NGEF: variants seen among roughly 807,000 people sequenced by gnomAD.
NGEF encodes the protein neuronal guanine nucleotide exchange factor.
Under a neutral mutation model 80.9 loss-of-function variants are expected in NGEF, and 31 were observed. The ratio of observed to expected loss-of-function variants is 0.38; its 90% CI spans 0.29 to 0.52. NGEF has a LOEUF of 0.52. Ranked by LOEUF, NGEF falls within the 20% of genes least tolerant of loss-of-function variation. The pLI is 0.84. For synonymous variants in NGEF, 371 were observed against 370.2 expected (o/e 1.00, Z -0.03); for missense variants, 709 against 926.2 (o/e 0.77, Z 3.04).
At chr2:232,984,217 G>T (rs946219321) in intron 1 of NGEF, among the ~76,000 whole-genome samples, 1 of 151,604 alleles carries the variant, frequency 6.6e-6, no homozygotes. Flanking sequence ...CCCCAGTAGC[G>T]AGGACTACAG....
rs141204936 is a variant in NGEF, at chr2:232,899,449, G to A, written c.829-4533C>T. ...AAGATTCAACTCCGGTCCAGCCTGG[G>A]CTTTCTTCAGGCTCCTCTTTTGTGA... On this transcript the variant is annotated intron_variant, in intron 5 of 14. Coordinates refer to ENST00000264051, the MANE Select transcript of NGEF (RefSeq NM_019850.3). Among the ~76,000 whole-genome samples, 355 of 152,278 alleles carry A rather than the reference G, an allele frequency of 2.3e-3. 6 individuals are homozygous for A. The highest frequency in any genetic ancestry group is 1.6e-3 in the Non-Finnish European group (111 of 68,022).
intron 5 of NGEF, among the ~76,000 whole-genome samples, chr2:232,911,571 T>C (rs1250788160): frequency 6.6e-6 from 1 of 152,224 alleles, no homozygotes; most frequent in African/African-American, 2.4e-5. Context: ...TGGAGTCGCA[T>C]GGAATGTATA....
intron 3 of NGEF, among the ~76,000 whole-genome samples, chr2:232,953,009 G>T (rs1451727149): frequency 9.3e-6 from 1 of 107,670 alleles, no homozygotes; most frequent in Non-Finnish European, 1.9e-5. Context: ...CAACAAAAAA[G>T]CAAAGTGATT....
intron 1 of NGEF, among the ~76,000 whole-genome samples, chr2:233,007,057 A>G (rs1339948021): frequency 6.6e-6 from 1 of 152,186 alleles, no homozygotes; most frequent in Non-Finnish European, 1.5e-5. Flanking sequence ...CAGCCTGGTC[A>G]ACATGGAGAA....
At chr2:233,012,319 A>T (rs950637722) in intron 1 of NGEF, among the ~76,000 whole-genome samples, 1 of 152,288 alleles carries the variant, frequency 6.6e-6, no homozygotes, top group Non-Finnish European at 1.5e-5. Flanking sequence ...AGACAATAAG[A>T]ACCTACCACT....
intron 5 of NGEF, 21 bp from the exon 6 acceptor site, chr2:232,894,937 G>A (rs922098097): frequency 1.9e-6 from 3 of 1,549,274 alleles, no homozygotes; most frequent in African/African-American, 1.3e-5. Context: ...GAGACCCCAT[G>A]GTTACCGCCT....
At position 232,905,276 on chromosome 2, in the gene NGEF, A is replaced by AT. The variant is rs535483022; in HGVS notation, c.829-10361dup. 5.7e-3 allele frequency among the ~76,000 whole-genome samples: 871 copies of AT among 152,116 alleles called. 9 individuals carry two copies. The highest frequency in any genetic ancestry group is 0.02 in the African/African-American group (831 of 41,502). On this transcript the variant is annotated intron_variant, in intron 5 of 14. Coordinates refer to ENST00000264051, the MANE Select transcript of NGEF (RefSeq NM_019850.3). ...GCCGCCACGCCTGACTGGTTTTCGT[A>AT]TTTTTTTGGTGGAAACGGGGTTTCG...
chr2:232,916,182 T>C (rs1692799009), intron 5 of NGEF, among the ~76,000 whole-genome samples: 1 of 152,254 alleles, frequency 6.6e-6, no homozygotes, highest in Non-Finnish European at 1.5e-5. Context: ...GAAGATGCCA[T>C]GGACCAAGTG....
At chr2:232,882,053 G>A (rs889411975) in intron 13 of NGEF, 133 bp downstream of exon 13, 6 of 732,002 alleles carry the variant, frequency 8.2e-6, no homozygotes, top group Admixed American at 2.4e-5. Context: ...GCAGCCCCTG[G>A]AGGCCCGTGC....
At position 233,010,077 on chromosome 2, in the gene NGEF, G is replaced by C. The variant is rs112938944; in HGVS notation, c.-75+2991C>G. Among the ~76,000 whole-genome samples, 672 of 152,234 alleles carry C rather than the reference G, an allele frequency of 4.4e-3. 7 individuals carry two copies. Among genetic ancestry groups the C allele is most frequent in the African/African-American group, 0.015 (643 of 41,522 alleles). On this transcript the variant is annotated intron_variant, in intron 1 of 14. Coordinates refer to ENST00000264051, the MANE Select transcript of NGEF (RefSeq NM_019850.3). ...CATGCCAATTTTTGTATTTTTAGTA[G>C]AGATGGGGTTTCACTATGTTGACCA...
intron 13 of NGEF, 39 bp from the exon 14 acceptor site, chr2:232,881,289 A>T: frequency 6.6e-7 from 1 of 1,513,722 alleles, no homozygotes; most frequent in Non-Finnish European, 9.1e-7. Flanking sequence ...CCACCACCGC[A>T]CTACCCACCT....
chr2:232,928,586 G>A (rs1417708603), intron 3 of NGEF, among the ~76,000 whole-genome samples: 4 of 152,150 alleles, frequency 2.6e-5, no homozygotes, highest in African/African-American at 9.6e-5. Flanking sequence ...ATGTGTCCCC[G>A]CTGGAGGGGG....
rs536950041 is a variant in NGEF, at chr2:232,968,340, G to A, written c.383+1874C>T. Among the ~76,000 whole-genome samples, 235 of 151,680 alleles carry A rather than the reference G, an allele frequency of 1.5e-3. 2 individuals carry two copies. The highest frequency in any genetic ancestry group is 0.01 in the Middle Eastern group (3 of 290). ...TAACCTCAGGTGATCTGCCCACCTC[G>A]GCTTCCCAAAGTGCCGGGATTACAG... is the stretch of plus-strand genomic sequence containing the variant. On this transcript the variant is annotated intron_variant, in intron 3 of 14. Transcript: ENST00000264051.
At chr2:232,939,858 G>A (rs1197236581) in intron 3 of NGEF, among the ~76,000 whole-genome samples, 2 of 152,196 alleles carry the variant, frequency 1.3e-5, no homozygotes, top group Admixed American at 6.5e-5. Flanking sequence ...TTAGCTGGGC[G>A]TGGTGCTGCA....
intron 1 of NGEF, chr2:233,012,705 T>G: frequency 2.6e-6 from 1 of 382,382 alleles, no homozygotes; most frequent in South Asian, 2.0e-5. Flanking sequence ...GTTGTCCTTT[T>G]GAAAGCCTTA....
chr2:233,012,974 TCTC>T, intron 1 of NGEF, 91 bp downstream of exon 1: 1 of 464,464 alleles, frequency 2.2e-6, no homozygotes, highest in Non-Finnish European at 4.5e-6. Context: ...TGGGTGGTAA[TCTC>T]CTTTCCTACC....
intron 3 of NGEF, among the ~76,000 whole-genome samples, chr2:232,959,243 C>T (rs1454425076): frequency 6.6e-6 from 1 of 151,982 alleles, no homozygotes; most frequent in African/African-American, 2.4e-5. Flanking sequence ...ACTGTGCCTG[C>T]ATGGTGTTGT....
In NGEF at chr2:233,013,067, C is replaced by A. The variant is rs903771826; in HGVS notation, c.-75+1G>T. The stretch of plus-strand genomic sequence containing the variant: ...AAAAAATACCAAAACCATTCTCTCA[C>A]CTGCCAGAGAGGAGCTCATAGGAGT... On this transcript the variant is annotated splice_donor_variant, in intron 1 of 14. Coordinates refer to ENST00000264051, the MANE Select transcript of NGEF (RefSeq NM_019850.3). LOFTEE classifies it low-confidence loss of function (5UTR_SPLICE). The A allele has an allele frequency of 5.6e-5, 26 of 466,552 alleles. No homozygotes were observed. Among genetic ancestry groups the A allele is most frequent in the Middle Eastern group, 3.3e-4 (1 of 3,074 alleles). 28.9% of individuals were successfully genotyped at this position (466,552 alleles called of 1,614,324 possible).
intron 3 of NGEF, chr2:232,928,108 G>A (rs1291320003): frequency 3.8e-6 from 4 of 1,044,112 alleles, no homozygotes; most frequent in African/African-American, 1.7e-5. Context: ...AGCGCGCGCG[G>A]CTCGACCGGA....
Sources: gnomAD v4.1 joint callset for allele counts (sites outside exome capture counted in the v4.1 genomes callset) on GRCh38, gnomAD v4.1.1 for gene constraint, MANE v1.5 for transcripts, NCBI Gene and HGNC (gene_info 2026-07-23, HGNC 2026-07-21) for gene names.